POLN: variants seen among roughly 807,000 people sequenced by gnomAD.
POLN encodes DNA polymerase N.
In POLN, 108 loss-of-function variants were observed where a neutral mutation model predicts 113.5. That is an observed-to-expected ratio of 0.95 (90% CI 0.81 to 1.12). The LOEUF (loss-of-function observed/expected upper bound fraction) is 1.12, where lower values mean the gene tolerates loss of function less well. Among genes scored for constraint, POLN ranks in the 50% most tolerant of loss-of-function variants. The pLI, the probability that POLN is intolerant of heterozygous loss-of-function variation, is 0.00. For synonymous variants in POLN, 386 were observed against 391.5 expected (o/e 0.99, Z 0.17); for missense variants, 1,097 against 1,077.1 (o/e 1.02, Z -0.26).
intron 2 of POLN, chr4:2,240,087 T>G: frequency 6.2e-7 from 1 of 1,614,050 alleles, no homozygotes; most frequent in East Asian, 2.2e-5. Flanking sequence ...TATACTTGAC[T>G]TCATGCTCGA....
At chr4:2,123,257 G>A (rs1188462647) in intron 19 of POLN, among the ~76,000 whole-genome samples, 1 of 152,190 alleles carries the variant, frequency 6.6e-6, no homozygotes, top group Non-Finnish European at 1.5e-5. Flanking sequence ...GGGAGGCTGA[G>A]GCAGGTAGGT....
chr4:2,219,001 T>C (rs1190802843), intron 3 of POLN, among the ~76,000 whole-genome samples: 7 of 152,202 alleles, frequency 4.6e-5, no homozygotes, highest in Non-Finnish European at 1.0e-4. Context: ...CATATTGCTA[T>C]ACTAATTCAC....
chr4:2,241,886 C>T, intron 1 of POLN, 96 bp from the exon 2 acceptor site: 5 of 985,508 alleles, frequency 5.1e-6, no homozygotes, highest in Non-Finnish European at 6.0e-6. Flanking sequence ...GCCCCAGCTC[C>T]TCGCCCAGCG....
chr4:2,229,005 T>C (rs1734482270), intron 3 of POLN, 94 bp downstream of exon 3: 3 of 1,257,900 alleles, frequency 2.4e-6, no homozygotes, highest in Admixed American at 2.4e-5. Flanking sequence ...CTGGGCTTCA[T>C]CTGTCTACAT....
intron 4 of POLN, among the ~76,000 whole-genome samples, chr4:2,209,481 A>G (rs1366744900): frequency 8.1e-5 from 8 of 98,634 alleles, no homozygotes; most frequent in Non-Finnish European, 1.4e-4. Context: ...TCCGTCTCAG[A>G]AAAAAAAAAA....
intron 3 of POLN, among the ~76,000 whole-genome samples, chr4:2,220,734 T>C (rs1734233781): frequency 6.6e-6 from 1 of 152,206 alleles, no homozygotes; most frequent in Non-Finnish European, 1.5e-5. Flanking sequence ...TACTCTACGG[T>C]TTCTGTCCCT....
chr4:2,117,978 GGTGGTTCT>G lies in POLN; in HGVS notation c.1982+10127_1982+10134del, dbSNP rs578048551. On this transcript the variant is annotated intron_variant, in intron 19 of 25. Coordinates refer to ENST00000511885, the MANE Select transcript of POLN (RefSeq NM_181808.4). ...TAATCAGTCCCTTTGAGCCCAGATGGGTGGTTCTTTGGGCAGTACAACTCTTACAAATG... is the reference window on the plus strand; with the variant it reads ...TAATCAGTCCCTTTGAGCCCAGATGGTTGGGCAGTACAACTCTTACAAATG... Among the ~76,000 whole-genome samples, 28 of 152,272 alleles carry G rather than the reference GGTGGTTCT, an allele frequency of 1.8e-4. No homozygotes were observed. In the South Asian group the frequency reaches 4.4e-3, roughly 24 times the overall value.
chr4:2,207,866 C>A (rs546523835), intron 5 of POLN, 121 bp downstream of exon 5: 1 of 1,142,638 alleles, frequency 8.8e-7, no homozygotes, highest in Admixed American at 2.8e-5. Flanking sequence ...TCACTTACCA[C>A]TGGAGGGGAA....
In POLN at chr4:2,208,499, T is replaced by C. The variant is rs754525415; in HGVS notation, c.214-12A>G. On this transcript the variant is annotated splice_polypyrimidine_tract_variant and intron_variant, in intron 4 of 25. Transcript: ENST00000511885. Reference sequence around the variant, plus strand: ...AAAGATTTAAGATCCTACAGAAAAATGGAAAATATTTCATTAGAATATGGA... The same window carrying C: ...AAAGATTTAAGATCCTACAGAAAAACGGAAAATATTTCATTAGAATATGGA... 1 of 1,496,220 alleles carries C rather than the reference T, an allele frequency of 6.7e-7. No homozygotes were observed. The highest frequency in any genetic ancestry group is 2.3e-5 in the Admixed American group (1 of 43,926). 92.7% of individuals were successfully genotyped at this position (1,496,220 alleles called of 1,614,324 possible).
At chr4:2,121,434 C>CA (rs869279379) in intron 19 of POLN, among the ~76,000 whole-genome samples, 20 of 139,448 alleles carry the variant, frequency 1.4e-4, no homozygotes, top group African/African-American at 4.2e-4. Context: ...GACTCTGTCT[C>CA]AAAAAAAAAA....
At chr4:2,194,605 C>T (rs1733531578) in intron 6 of POLN, among the ~76,000 whole-genome samples, 1 of 152,194 alleles carries the variant, frequency 6.6e-6, no homozygotes, top group African/African-American at 2.4e-5. Flanking sequence ...TTTACTGCTC[C>T]TTCATCCTTG....
chr4:2,191,515 G>C (rs1560088536), intron 7 of POLN, among the ~76,000 whole-genome samples: 1 of 152,024 alleles, frequency 6.6e-6, no homozygotes, highest in Non-Finnish European at 1.5e-5. Flanking sequence ...ATAAAGAAAA[G>C]ATAAATGTTT....
At chr4:2,180,090 C>T (rs1733098062) in intron 7 of POLN, among the ~76,000 whole-genome samples, 1 of 152,238 alleles carries the variant, frequency 6.6e-6, no homozygotes, top group Non-Finnish European at 1.5e-5. Flanking sequence ...GGAAGGAACA[C>T]CAGGCCTGGA....
chr4:2,159,070 A>AT, intron 14 of POLN, 85 bp downstream of exon 14: 3 of 1,044,446 alleles, frequency 2.9e-6, no homozygotes, highest in Non-Finnish European at 4.5e-6. Flanking sequence ...TACTTCAGCC[A>AT]TTATGGATTT....
intron 19 of POLN, among the ~76,000 whole-genome samples, chr4:2,103,334 A>G (rs555752774): frequency 1.3e-5 from 2 of 152,262 alleles, no homozygotes; most frequent in Admixed American, 6.5e-5. Flanking sequence ...GAAAGCTTCA[A>G]CAACAGACTG....
At chr4:2,213,267 A>G (rs1734036319) in intron 3 of POLN, 141 bp from the exon 4 acceptor site, 1 of 492,890 alleles carries the variant, frequency 2.0e-6, no homozygotes, top group Non-Finnish European at 3.5e-6. Flanking sequence ...ATGTAATAAA[A>G]TTCACAAGTA....
chr4:2,107,400 G>T (rs1731089713), intron 19 of POLN, among the ~76,000 whole-genome samples: 2 of 152,170 alleles, frequency 1.3e-5, no homozygotes, highest in Admixed American at 1.3e-4. Context: ...TCTCACAGGG[G>T]TGCTTTGGTG....
At chr4:2,240,638 C>T in intron 2 of POLN, 1 of 1,613,686 alleles carries the variant, frequency 6.2e-7, no homozygotes, top group Non-Finnish European at 8.5e-7. Flanking sequence ...GAACCTCATC[C>T]TCTAATTTCT....
At position 2,213,041 on chromosome 4, in the gene POLN, A is replaced by C. The variant is rs1249171158; in HGVS notation, c.213+6T>G. 3 of 1,592,478 alleles carry C rather than the reference A, an allele frequency of 1.9e-6. No homozygotes were observed. Among genetic ancestry groups the C allele is most frequent in the Non-Finnish European group, 2.6e-6 (3 of 1,165,070 alleles). On this transcript the variant is annotated splice_donor_region_variant and intron_variant, in intron 4 of 25. Transcript: ENST00000511885. ...TTTAAAATTACTCATATGTGCAATG[A>C]TTTACCTTTTTTTCTGGTGATTGAG... is the stretch of plus-strand genomic sequence containing the variant.
Sources: gnomAD v4.1 joint callset for allele counts (sites outside exome capture counted in the v4.1 genomes callset) on GRCh38, gnomAD v4.1.1 for gene constraint, MANE v1.5 for transcripts, NCBI Gene and HGNC (gene_info 2026-07-23, HGNC 2026-07-21) for gene names.